ACADL: variants seen among roughly 807,000 people sequenced by gnomAD.
ACADL encodes the protein long-chain specific acyl-CoA dehydrogenase, mitochondrial.
A neutral mutation model predicts 56.9 loss-of-function variants in ACADL; 60 were observed. The ratio of observed to expected loss-of-function variants is 1.05; its 90% CI spans 0.86 to 1.31. The LOEUF (loss-of-function observed/expected upper bound fraction) is 1.31, where lower values mean the gene tolerates loss of function less well. ACADL is among the 50% of genes most tolerant of loss of function. ACADL has a pLI of 0.00. For missense variants in ACADL, 484 were observed against 525.5 expected (o/e 0.92, Z 0.77); for synonymous variants, 158 against 179.7 (o/e 0.88, Z 0.97).
intron 4 of ACADL, among the ~76,000 whole-genome samples, chr2:210,213,457 G>A (rs768764355): frequency 1.8e-4 from 27 of 151,960 alleles, no homozygotes; most frequent in African/African-American, 5.3e-4. Context: ...CCGAGATCGC[G>A]CCATTGCACT....
In ACADL at chr2:210,190,321, A is replaced by C. The variant is rs1260706596; in HGVS notation, c.1200-1267T>G. Among the ~76,000 whole-genome samples the C allele has an allele frequency of 3.9e-5, 6 of 152,250 alleles. No individual in the cohort carries two copies. The South Asian group carries it at 1.2e-3, about 32-fold the overall frequency. On this transcript the variant is annotated intron_variant, in intron 10 of 10. Transcript: ENST00000233710. Reference sequence around the variant, plus strand: ...CTGAACGGATTTTGCTATTCTCTACAAAATCTAGCACCTGCATTTTGAGCA... The same window carrying C: ...CTGAACGGATTTTGCTATTCTCTACCAAATCTAGCACCTGCATTTTGAGCA...
chr2:210,217,881 G>T, intron 3 of ACADL, 84 bp downstream of exon 3: 2 of 1,501,588 alleles, frequency 1.3e-6, no homozygotes, highest in South Asian at 1.1e-5. Flanking sequence ...ACATTTGTTT[G>T]TTTGTTTGTT....
rs113857447 is a variant in ACADL at position 210,200,264 on chromosome 2, A to G, written c.984+3067T>C. On this transcript the variant is annotated intron_variant, in intron 8 of 10. Coordinates refer to ENST00000233710, the MANE Select transcript of ACADL (RefSeq NM_001608.4). ...ATTACCCTTAGGAGGCAATCAATAT[A>G]TATTTGTTCAGTGAACCAAAAAGGA... Among the ~76,000 whole-genome samples, 6 of 152,200 alleles carry G rather than the reference A, an allele frequency of 3.9e-5. No individual in the cohort carries two copies. In the East Asian group the frequency reaches 7.7e-4, roughly 20 times the overall value.
chr2:210,216,628 A>G, intron 3 of ACADL, 117 bp from the exon 4 acceptor site: 1 of 919,388 alleles, frequency 1.1e-6, no homozygotes, highest in Non-Finnish European at 1.7e-6. Context: ...TCTCATCACA[A>G]ACCTATGACA....
Position 210,204,581 on chromosome 2 carries a change from C to T in ACADL, c.870G>A (p.Gln290=). 1 of 1,587,894 alleles carries T rather than the reference C, an allele frequency of 6.3e-7. No individual in the cohort carries two copies. Among genetic ancestry groups the T allele is most frequent in the African/African-American group, 1.3e-5 (1 of 74,328 alleles). Residue 290 remains glutamine, a splice_region_variant and synonymous_variant, in exon 7 of 11, where the codon CAG becomes CAA. Transcript: ENST00000233710. ...GATGGAATCTTTAAACACTTCTGAC[C>T]TGTGGAAGCTCTTTCATGATGTAAT... ...GFYYIMKELP[Q]ERLLIADVAI...
chr2:210,214,868 A>G (rs1229745709), intron 4 of ACADL, among the ~76,000 whole-genome samples: 1 of 152,214 alleles, frequency 6.6e-6, no homozygotes, highest in Non-Finnish European at 1.5e-5. Context: ...AGGCAACAGA[A>G]GTGAACAGAA....
At chr2:210,195,087 T>A (rs1342439953) in intron 9 of ACADL, 124 bp downstream of exon 9, 10 of 1,243,258 alleles carry the variant, frequency 8.0e-6, no homozygotes, top group Non-Finnish European at 1.1e-5. Flanking sequence ...TAAAGTGGAG[T>A]CTCACTTTTA....
chr2:210,220,709 A>G lies in ACADL; in HGVS notation c.171T>C (p.His57=), dbSNP rs1281895777. 1 of 1,613,584 alleles carries G rather than the reference A, an allele frequency of 6.2e-7. No individual in the cohort carries two copies. Among genetic ancestry groups the G allele is most frequent in the Non-Finnish European group, 8.5e-7 (1 of 1,179,762 alleles). Residue 57 remains histidine (H), a synonymous_variant, in exon 2 of 11, where the codon CAT becomes CAC. Transcript: ENST00000233710. ...IGIRRIFSPE[H]DIFRKSVRKF... ...TCCTTACACTTTTCCGGAAAATGTC[A>G]TGCTCTGGAGAAAAGATTCTTCGAA...
At chr2:210,225,162 C>G (rs950088822) in intron 1 of ACADL, 25 bp downstream of exon 1, 2 of 1,528,574 alleles carry the variant, frequency 1.3e-6, no homozygotes, top group East Asian at 5.0e-5. Flanking sequence ...GGCCTGCAGC[C>G]GCGGAAGTCC....
At position 210,225,322 on chromosome 2, in the gene ACADL, G is replaced by A. The variant is rs1689255998; in HGVS notation, c.-59C>T. ...CGACTCTGCGGCTACTCGGCGACTC[G>A]GGGCAGGGTCCCCGGGAGGGAGGAC... On this transcript the variant is annotated 5_prime_UTR_variant, in exon 1 of 11. Transcript: ENST00000233710. 1 of 1,508,732 alleles carries A rather than the reference G, an allele frequency of 6.6e-7. No homozygotes were observed. Among genetic ancestry groups the A allele is most frequent in the South Asian group, 1.2e-5 (1 of 82,814 alleles). 93.5% of individuals were successfully genotyped at this position (1,508,732 alleles called of 1,614,324 possible). A position where few individuals can be genotyped will look rare whatever the true frequency, so the allele number is the denominator to read the frequency against.
At chr2:210,203,795 C>A (rs957624832) in intron 7 of ACADL, among the ~76,000 whole-genome samples, 2 of 152,160 alleles carry the variant, frequency 1.3e-5, no homozygotes, top group African/African-American at 4.8e-5. Flanking sequence ...CCCACCTCAG[C>A]CTTCCGAGTA....
In ACADL at chr2:210,192,843, T is replaced by A. The variant is rs762668779; in HGVS notation, c.1160A>T (p.His387Leu). Residue 387 changes from histidine (H) to leucine (L), a missense_variant, in exon 10 of 11, where the codon CAT (histidine) becomes CTT (leucine). His to Leu is a moderately conservative substitution (Grantham distance 99, BLOSUM62 -3). Coordinates refer to ENST00000233710, the MANE Select transcript of ACADL (RefSeq NM_001608.4). ...NSVAYDCVQL[H>L]GGWGYMWEYP... The stretch of plus-strand genomic sequence containing the variant: ...CTCCCACATGTATCCCCAACCTCCA[T>A]GGAGCTGTACACAGTCGTAAGCTAC... 1 of 1,613,744 alleles carries A rather than the reference T, an allele frequency of 6.2e-7. No individual in the cohort carries two copies. The highest frequency in any genetic ancestry group is 8.5e-7 in the Non-Finnish European group (1 of 1,179,878).
At chr2:210,213,650 C>A (rs1056336117) in intron 4 of ACADL, among the ~76,000 whole-genome samples, 9 of 151,962 alleles carry the variant, frequency 5.9e-5, no homozygotes, top group Non-Finnish European at 8.8e-5. Flanking sequence ...ACAAGTTAGA[C>A]CCTCACAATA....
chr2:210,196,422 ACCT>A (rs1464566500), intron 8 of ACADL, among the ~76,000 whole-genome samples: 1 of 151,928 alleles, frequency 6.6e-6, no homozygotes, highest in Non-Finnish European at 1.5e-5. Context: ...CTATGTACCT[ACCT>A]CCTCCTACTG....
intron 4 of ACADL, among the ~76,000 whole-genome samples, chr2:210,212,685 A>G (rs1050690212): frequency 6.6e-6 from 1 of 152,264 alleles, no homozygotes; most frequent in African/African-American, 2.4e-5. Flanking sequence ...AAAAGGAATT[A>G]TCTTTCCCAC....
chr2:210,198,741 T>C (rs1262821942), intron 8 of ACADL, among the ~76,000 whole-genome samples: 1 of 152,106 alleles, frequency 6.6e-6, no homozygotes, highest in Non-Finnish European at 1.5e-5. Flanking sequence ...AAAATACTTA[T>C]ATAGATTTGT....
At chr2:210,221,223 T>G (rs2125719126) in intron 1 of ACADL, among the ~76,000 whole-genome samples, 1 of 152,330 alleles carries the variant, frequency 6.6e-6, no homozygotes, top group East Asian at 1.9e-4. Context: ...AATTAGTATT[T>G]TAACCAGAAT....
chr2:210,199,947 G>A (rs542511520), intron 8 of ACADL, among the ~76,000 whole-genome samples: 3 of 152,170 alleles, frequency 2.0e-5, no homozygotes, highest in East Asian at 3.9e-4. Context: ...GTTTTGCCAC[G>A]TTGTCCAGGT....
intron 4 of ACADL, 38 bp from the exon 5 acceptor site, chr2:210,210,300 A>C: frequency 7.0e-7 from 1 of 1,432,190 alleles, no homozygotes; most frequent in Non-Finnish European, 9.8e-7. Context: ...TCATCAAATG[A>C]TAAAAATTAA....
Sources: allele counts gnomAD v4.1 joint callset (sites outside exome capture counted in the v4.1 genomes callset), GRCh38; gene constraint gnomAD v4.1.1; transcripts MANE v1.5; gene names NCBI Gene and HGNC (gene_info 2026-07-23, HGNC 2026-07-21).